ARID3B: variants seen among roughly 807,000 people sequenced by gnomAD.
The protein encoded by ARID3B is AT-rich interaction domain 3B.
In ARID3B, 10 loss-of-function variants were observed where a neutral mutation model predicts 51.9. The ratio of observed to expected loss-of-function variants is 0.19; its 90% CI spans 0.12 to 0.33. The LOEUF is 0.33. Ranked by LOEUF, ARID3B falls within the 10% of genes least tolerant of loss-of-function variation. The pLI, the probability that ARID3B is intolerant of heterozygous loss-of-function variation, is 1.00. For synonymous variants in ARID3B, 205 were observed against 279.5 expected (o/e 0.73, Z 2.66); for missense variants, 483 against 716.3 (o/e 0.67, Z 3.72).
chr15:74,595,587 C>A, intron 8 of ARID3B, 24 bp from the exon 9 acceptor site: 1 of 1,607,972 alleles, frequency 6.2e-7, no homozygotes, highest in South Asian at 1.1e-5. Flanking sequence ...TCTGCCCACA[C>A]TTGCTTCTCT....
rs558632085 is a variant in ARID3B at position 74,572,900 on chromosome 15, C to T, written c.591C>T (p.Gly197=). 6.2e-7 allele frequency: 1 copy of T among 1,614,120 alleles called. No individual in the cohort carries two copies. The highest frequency in any genetic ancestry group is 1.1e-5 in the South Asian group (1 of 91,074). The change falls in exon 3 of 9, where the codon GGC becomes GGT. Residue 197 remains glycine (G), a synonymous_variant. Coordinates refer to ENST00000346246, the MANE Select transcript of ARID3B (RefSeq NM_006465.4). ...GLAWSDDADG[G]RGREISRDFA... ...CCTGGAGTGATGATGCAGATGGAGGCCGGGGAAGAGAGATCTCTCGAGATT... is the reference window on the plus strand; with the variant it reads ...CCTGGAGTGATGATGCAGATGGAGGTCGGGGAAGAGAGATCTCTCGAGATT...
chr15:74,576,953 T>C (rs561948958), intron 4 of ARID3B, among the ~76,000 whole-genome samples: 98 of 152,310 alleles, frequency 6.4e-4, no homozygotes, highest in African/African-American at 2.2e-3. Flanking sequence ...TCAGCTGGCA[T>C]GAGACTCTGA....
At chr15:74,558,940 G>C (rs2061668957) in intron 2 of ARID3B, among the ~76,000 whole-genome samples, 2 of 152,192 alleles carry the variant, frequency 1.3e-5, no homozygotes, top group Non-Finnish European at 2.9e-5. Flanking sequence ...TCTGTGCCTA[G>C]TGAGAGCCCC....
rs2061832600 is a variant in ARID3B at position 74,597,490 on chromosome 15, C to T, written c.*1716C>T. 2 of 533,566 alleles carry T rather than the reference C, an allele frequency of 3.7e-6. No homozygotes were observed. The highest frequency in any genetic ancestry group is 1.5e-5 in the South Asian group (1 of 64,922). 33.1% of individuals were successfully genotyped at this position (533,566 alleles called of 1,614,324 possible). ...GTCTTCTCTCAGCCCTCCACACACA[C>T]TCACCCCCACTCCCACACACATACA... On this transcript the variant is annotated 3_prime_UTR_variant, in exon 9 of 9. Transcript: ENST00000346246.
chr15:74,576,195 A>C (rs77581520), intron 4 of ARID3B, among the ~76,000 whole-genome samples: 6,901 of 152,146 alleles, frequency 0.045, 171 homozygotes, highest in Middle Eastern at 0.13. Context: ...GCACCTGGTT[A>C]CTGTAGGACG....
chr15:74,566,804 T>G (rs903857849), intron 2 of ARID3B, among the ~76,000 whole-genome samples: 1 of 152,120 alleles, frequency 6.6e-6, no homozygotes, highest in African/African-American at 2.4e-5. Context: ...ATTTTGTAAT[T>G]GTTTGTCTCT....
rs2061832574 is a variant in ARID3B at position 74,597,485 on chromosome 15, A to G, written c.*1711A>G. ...ACTGCGTCTTCTCTCAGCCCTCCAC[A>G]CACACTCACCCCCACTCCCACACAC... On this transcript the variant is annotated 3_prime_UTR_variant, in exon 9 of 9. Coordinates refer to ENST00000346246, the MANE Select transcript of ARID3B (RefSeq NM_006465.4). The G allele has an allele frequency of 3.8e-6, 2 of 532,042 alleles. No individual in the cohort carries two copies. Among genetic ancestry groups the G allele is most frequent in the Admixed American group, 4.5e-5 (2 of 44,008 alleles). The allele number at this position is 532,042 out of a possible 1,614,324, so 33.0% of individuals were successfully genotyped here.
At chr15:74,588,521 T>TA (rs549762291) in intron 4 of ARID3B, among the ~76,000 whole-genome samples, 383 of 152,244 alleles carry the variant, frequency 2.5e-3, no homozygotes, top group Non-Finnish European at 4.6e-3. Context: ...AGAGGAGCAG[T>TA]AGTCTGTGTA....
intron 2 of ARID3B, among the ~76,000 whole-genome samples, chr15:74,559,264 A>T (rs773880943): frequency 2.8e-4 from 42 of 151,768 alleles, no homozygotes; most frequent in Admixed American, 5.9e-4. Flanking sequence ...GCTGCTGTGG[A>T]CTCTGCTTTC....
intron 3 of ARID3B, 59 bp from the exon 4 acceptor site, chr15:74,573,073 A>T: frequency 1.2e-6 from 2 of 1,602,586 alleles, no homozygotes; most frequent in Non-Finnish European, 8.5e-7. Context: ...ATCTGGTATA[A>T]GACTTCAGCA....
intron 4 of ARID3B, among the ~76,000 whole-genome samples, chr15:74,583,703 C>T (rs1486615475): frequency 3.4e-5 from 5 of 148,698 alleles, no homozygotes; most frequent in African/African-American, 5.0e-5. Flanking sequence ...GGCAACAGAG[C>T]GAGACTCTGT....
chr15:74,566,932 A>C (rs1460572537), intron 2 of ARID3B, among the ~76,000 whole-genome samples: 3 of 152,110 alleles, frequency 2.0e-5, no homozygotes, highest in African/African-American at 4.8e-5. Context: ...TACATGAATG[A>C]ATATAATGGA....
intron 2 of ARID3B, among the ~76,000 whole-genome samples, chr15:74,570,741 T>A (rs1025010722): frequency 6.6e-6 from 1 of 152,214 alleles, no homozygotes; most frequent in Non-Finnish European, 1.5e-5. Flanking sequence ...TACTGCATCC[T>A]TTGAAAGGGG....
intron 4 of ARID3B, among the ~76,000 whole-genome samples, chr15:74,576,830 T>G (rs2061739812): frequency 6.6e-6 from 1 of 152,106 alleles, no homozygotes; most frequent in South Asian, 2.1e-4. Context: ...GTGGCTCTAG[T>G]GTATCAGACC....
At chr15:74,579,872 T>TGCGCGCGCGC (rs1308828023) in intron 4 of ARID3B, among the ~76,000 whole-genome samples, 3 of 118,936 alleles carry the variant, frequency 2.5e-5, no homozygotes, top group African/African-American at 1.3e-4. Flanking sequence ...TGTGTGTGTG[T>TGCGCGCGCGC]GCGCGCGCGC....
In ARID3B at chr15:74,598,085, T is replaced by G. The variant is rs1160693705; in HGVS notation, c.*2311T>G. 1 of 511,626 alleles carries G rather than the reference T, an allele frequency of 2.0e-6. No homozygotes were observed. The highest frequency in any genetic ancestry group is 1.9e-5 in the African/African-American group (1 of 52,824). The allele number at this position is 511,626 out of a possible 1,614,324, so 31.7% of individuals were successfully genotyped here. A position where few individuals can be genotyped will look rare whatever the true frequency, so the allele number is the denominator to read the frequency against. ...TGTTGTGGTTATTTTCTATCTTACA[T>G]GTTCTCGAATGTTTATATTTCAATA... On this transcript the variant is annotated 3_prime_UTR_variant, in exon 9 of 9. Coordinates refer to ENST00000346246, the MANE Select transcript of ARID3B (RefSeq NM_006465.4).
chr15:74,593,911 G>A (rs1431604022), intron 8 of ARID3B, among the ~76,000 whole-genome samples: 1 of 151,882 alleles, frequency 6.6e-6, no homozygotes, highest in Non-Finnish European at 1.5e-5. Flanking sequence ...GCATGGTGGT[G>A]CACACCTGTG....
intron 4 of ARID3B, among the ~76,000 whole-genome samples, chr15:74,580,807 C>T (rs951723562): frequency 1.3e-5 from 2 of 152,256 alleles, no homozygotes; most frequent in Non-Finnish European, 2.9e-5. Context: ...ATGTCTTCGG[C>T]AGCATTCACC....
intron 7 of ARID3B, 137 bp from the exon 8 acceptor site, chr15:74,593,001 T>C (rs2061809421): frequency 3.0e-6 from 2 of 663,632 alleles, no homozygotes; most frequent in African/African-American, 3.6e-5. Context: ...TGCCATACCC[T>C]ACACTCAGGA....
Sources: allele counts gnomAD v4.1 joint callset (sites outside exome capture counted in the v4.1 genomes callset), GRCh38; gene constraint gnomAD v4.1.1; transcripts MANE v1.5; gene names NCBI Gene and HGNC (gene_info 2026-07-23, HGNC 2026-07-21).